Variants in CACNA1C observed in about 807,000 individuals in gnomAD.
The protein encoded by CACNA1C is calcium voltage-gated channel subunit alpha1 C.
CACNA1C carries 30 observed loss-of-function variants against 229.0 expected under a neutral mutation model. That is an observed-to-expected ratio of 0.13 (90% CI 0.10 to 0.18). The LOEUF (loss-of-function observed/expected upper bound fraction) is 0.18, where lower values mean the gene tolerates loss of function less well. Ranked by LOEUF, CACNA1C falls within the 10% of genes least tolerant of loss-of-function variation. The probability of loss-of-function intolerance (pLI) is 1.00; values close to 1 mark genes in which losing one functional copy is unlikely to be tolerated. For synonymous variants in CACNA1C, 1,114 were observed against 1,132.5 expected (o/e 0.98, Z 0.33); for missense variants, 1,658 against 2,845.0 (o/e 0.58, Z 9.49).
chr12:2,523,583 G>A (rs560474684), intron 9 of CACNA1C, among the ~76,000 whole-genome samples: 6 of 136,458 alleles, frequency 4.4e-5, no homozygotes, highest in South Asian at 2.1e-4. Context: ...ATGGGGCCCC[G>A]GGGGGGATCA....
At chr12:2,636,781 T>C (rs1048689155) in intron 30 of CACNA1C, among the ~76,000 whole-genome samples, 10 of 152,324 alleles carry the variant, frequency 6.6e-5, no homozygotes, top group African/African-American at 1.9e-4. Flanking sequence ...TTACATTCTG[T>C]AATTGATATC....
chr12:2,411,387 TG>T (rs1318395834), intron 3 of CACNA1C, among the ~76,000 whole-genome samples: 3 of 152,094 alleles, frequency 2.0e-5, no homozygotes, highest in Admixed American at 6.5e-5. Context: ...AGTGAGGGGC[TG>T]GAGGTGGGGG....
intron 3 of CACNA1C, among the ~76,000 whole-genome samples, chr12:2,436,811 C>T (rs562418550): frequency 5.3e-5 from 8 of 152,314 alleles, no homozygotes; most frequent in African/African-American, 1.9e-4. Flanking sequence ...AATTTTATCT[C>T]ACATACAGGA....
intron 1 of CACNA1C, among the ~76,000 whole-genome samples, chr12:2,043,978 T>C (rs894799874): frequency 6.6e-6 from 1 of 152,202 alleles, no homozygotes; most frequent in Non-Finnish European, 1.5e-5. Flanking sequence ...TCTTGCTAAC[T>C]AAACTATAGT....
chr12:2,081,666 A>C (rs1235188044), intron 1 of CACNA1C, among the ~76,000 whole-genome samples: 1 of 152,208 alleles, frequency 6.6e-6, no homozygotes, highest in Admixed American at 6.5e-5. Context: ...GGACATGCTT[A>C]ATAAAGAAGC....
At chr12:2,218,352 A>T (rs758017141) in intron 3 of CACNA1C, among the ~76,000 whole-genome samples, 1 of 152,226 alleles carries the variant, frequency 6.6e-6, no homozygotes, top group Non-Finnish European at 1.5e-5. Flanking sequence ...AAACTCATTG[A>T]CTTTTCTTCA....
chr12:2,317,182 G>T (rs530016180), intron 3 of CACNA1C, among the ~76,000 whole-genome samples: 533 of 152,298 alleles, frequency 3.5e-3, no homozygotes, highest in African/African-American at 0.012. Context: ...AGAATTGAAA[G>T]CAGGGCCTCA....
At chr12:1,994,680 A>C (rs1340267482) in intron 1 of CACNA1C, among the ~76,000 whole-genome samples, 1 of 152,200 alleles carries the variant, frequency 6.6e-6, no homozygotes, top group African/African-American at 2.4e-5. Context: ...GGAGGAAATA[A>C]ATGATTTTTT....
At position 2,034,975 on chromosome 12, in the gene CACNA1C, T is replaced by G. The variant is rs2048842621; in HGVS notation, c.139+63774T>G. On this transcript the variant is annotated intron_variant, in intron 1 of 46. Transcript: ENST00000682462. The surrounding 1 kb of genome is among the most constrained non-coding windows in gnomAD (Gnocchi z 4.1). ...CGAGGGGGTGAAGAGGAGAAGGAGG[T>G]CTGGGCACTGGAAGCGGCACACGTG... 6.6e-6 allele frequency among the ~76,000 whole-genome samples: 1 copy of G among 151,740 alleles called. No individual in the cohort carries two copies. Among genetic ancestry groups the G allele is most frequent in the Admixed American group, 6.6e-5 (1 of 15,256 alleles).
At chr12:2,533,457 A>G (rs2099845763) in intron 9 of CACNA1C, among the ~76,000 whole-genome samples, 1 of 152,164 alleles carries the variant, frequency 6.6e-6, no homozygotes, top group African/African-American at 2.4e-5. Context: ...TGAAGGAGAA[A>G]CAGCAAAAGC....
intron 1 of CACNA1C, among the ~76,000 whole-genome samples, chr12:1,981,789 G>T (rs1414347596): frequency 6.6e-6 from 1 of 152,188 alleles, no homozygotes; most frequent in Non-Finnish European, 1.5e-5. Flanking sequence ...ATCCAGGGAG[G>T]TAAAGTTCCA....
chr12:2,172,730 C>T (rs1042564182), intron 3 of CACNA1C, among the ~76,000 whole-genome samples: 7 of 152,108 alleles, frequency 4.6e-5, no homozygotes, highest in South Asian at 2.1e-4. Flanking sequence ...ATTATCTTAA[C>T]GTCACAGAAA....
intron 4 of CACNA1C, among the ~76,000 whole-genome samples, 165 bp downstream of exon 4, chr12:2,449,280 G>A (rs2099330264): frequency 6.6e-6 from 1 of 152,218 alleles, no homozygotes; most frequent in Non-Finnish European, 1.5e-5. Flanking sequence ...GGAACAGAAA[G>A]GGAAAGAGAG....
chr12:2,192,940 G>T (rs552128514), intron 3 of CACNA1C, among the ~76,000 whole-genome samples: 1 of 152,350 alleles, frequency 6.6e-6, no homozygotes, highest in African/African-American at 2.4e-5. Context: ...GAGTTCATCA[G>T]GTACAAATGG....
chr12:2,426,833 G>T lies in CACNA1C; in HGVS notation c.478-22143G>T, dbSNP rs1004205665. ...TTTCCACATGGCCTCTCATTCTTTA[G>T]CAGGCTTTCTTGGCTTGTTTGTGTG... On this transcript the variant is annotated intron_variant, in intron 3 of 46. Transcript: ENST00000399655. 2.0e-5 allele frequency among the ~76,000 whole-genome samples: 3 copies of T among 152,192 alleles called. No homozygotes were observed. In the East Asian group the frequency reaches 5.8e-4, roughly 29 times the overall value.
Position 2,158,508 on chromosome 12 carries a change from T to C in CACNA1C, c.477+38078T>C, listed in dbSNP as rs544598568. Among the ~76,000 whole-genome samples the C allele has an allele frequency of 4.5e-4, 68 of 152,044 alleles. 1 individual carries two copies. Among genetic ancestry groups the C allele is most frequent in the Middle Eastern group, 6.8e-3 (2 of 294 alleles). On this transcript the variant is annotated intron_variant, in intron 3 of 46. Transcript: ENST00000399655. ...GGGAGGATTGCTTGAGCCTGGGCGATGGAGCAAGACTCTGTCTCAAAGAAA... is the reference window on the plus strand; with the variant it reads ...GGGAGGATTGCTTGAGCCTGGGCGACGGAGCAAGACTCTGTCTCAAAGAAA...
In CACNA1C at chr12:2,309,574, C is replaced by T. The variant is rs369294356; in HGVS notation, c.478-139402C>T. 2.0e-5 allele frequency among the ~76,000 whole-genome samples: 3 copies of T among 152,202 alleles called. No individual in the cohort carries two copies. In the South Asian group the frequency reaches 6.2e-4, roughly 32 times the overall value. On this transcript the variant is annotated intron_variant, in intron 3 of 46. Coordinates refer to ENST00000399655, the MANE Select transcript of CACNA1C (RefSeq NM_000719.7). The stretch of plus-strand genomic sequence containing the variant: ...ATCATTTCACAGTGTACACATAAAT[C>T]ATCATGTTGTACACCTTAAATATAT...
At chr12:2,071,010 T>TCCCCTTCCTTCCTTCCCTC (rs2061012283) in intron 1 of CACNA1C, among the ~76,000 whole-genome samples, 1 of 124,388 alleles carries the variant, frequency 8.0e-6, no homozygotes, top group Non-Finnish European at 1.7e-5. Context: ...TTCCTTCTCT[T>TCCCCTTCCTTCCTTCCCTC]TCTCCTTCCT....
chr12:2,422,880 C>T (rs1054903136), intron 3 of CACNA1C, among the ~76,000 whole-genome samples: 9 of 152,328 alleles, frequency 5.9e-5, no homozygotes, highest in Admixed American at 4.6e-4. Flanking sequence ...ACAGAACAAA[C>T]GCTGGCCAGG....
Sources: allele counts gnomAD v4.1 joint callset (sites outside exome capture counted in the v4.1 genomes callset), GRCh38; gene constraint gnomAD v4.1.1; non-coding constraint Gnocchi (gnomAD v3.1); transcripts MANE v1.5; gene names NCBI Gene and HGNC (gene_info 2026-07-23, HGNC 2026-07-21).